DLG2: variants seen among roughly 807,000 people sequenced by gnomAD.
DLG2 encodes the protein discs large MAGUK scaffold protein 2.
In DLG2, 45 loss-of-function variants were observed where a neutral mutation model predicts 132.5. The observed-to-expected ratio is 0.34, with a 90% CI of 0.27 to 0.44. DLG2 has a LOEUF of 0.44. Ranked by LOEUF, DLG2 falls within the 20% of genes least tolerant of loss-of-function variation. The pLI, the probability that DLG2 is intolerant of heterozygous loss-of-function variation, is 1.00. For synonymous variants in DLG2, 424 were observed against 419.6 expected (o/e 1.01, Z -0.13); for missense variants, 1,045 against 1,196.9 (o/e 0.87, Z 1.87).
At chr11:84,373,265 C>CAAACAAAA (rs762481478) in intron 7 of DLG2, among the ~76,000 whole-genome samples, 1 of 98,090 alleles carries the variant, frequency 1.0e-5, no homozygotes, top group South Asian at 3.5e-4. Flanking sequence ...AAAAAAAAAA[C>CAAACAAAA]AAAACAAAAA....
In DLG2 at chr11:85,343,766, G is replaced by A. The variant is rs117449443; in HGVS notation, c.41-58401C>T. 6.8e-3 allele frequency among the ~76,000 whole-genome samples: 1,033 copies of A among 152,282 alleles called. 11 individuals carry two copies. The highest frequency in any genetic ancestry group is 0.014 in the Middle Eastern group (4 of 294). On this transcript the variant is annotated intron_variant, in intron 3 of 27. Coordinates refer to ENST00000376104, the MANE Select transcript of DLG2 (RefSeq NM_001142699.3). ...GAGGAAGGCGGAACCTGATAGAGCA[G>A]CGAGGAAAACCTTCTGAAGTGCAAT...
At chr11:83,840,220 T>C (rs1202013250) in intron 16 of DLG2, among the ~76,000 whole-genome samples, 2 of 152,210 alleles carry the variant, frequency 1.3e-5, no homozygotes, top group African/African-American at 4.8e-5. Flanking sequence ...TATTGCAGCA[T>C]GTTTTACAGT....
chr11:84,283,897 T>C (rs2097880552), intron 7 of DLG2, among the ~76,000 whole-genome samples: 1 of 152,178 alleles, frequency 6.6e-6, no homozygotes, highest in Middle Eastern at 3.2e-3. Context: ...CAGGATTTTC[T>C]GTATTAAAAA....
intron 4 of DLG2, among the ~76,000 whole-genome samples, chr11:85,252,726 G>A (rs552231251): frequency 6.2e-4 from 95 of 152,088 alleles, no homozygotes; most frequent in Non-Finnish European, 1.2e-3. Context: ...CATATTTTAT[G>A]TATTTATATA....
At chr11:85,591,871 G>A (rs1223025748) in intron 3 of DLG2, among the ~76,000 whole-genome samples, 19 of 152,338 alleles carry the variant, frequency 1.2e-4, no homozygotes, top group Non-Finnish European at 2.2e-4. Context: ...TCCCCAGTGT[G>A]TATCATAGCG....
chr11:85,427,417 C>T (rs541458018), intron 3 of DLG2, among the ~76,000 whole-genome samples: 16 of 152,342 alleles, frequency 1.1e-4, no homozygotes, highest in African/African-American at 3.8e-4. Context: ...ATCAGACTAA[C>T]AGCTGATCTC....
intron 19 of DLG2, among the ~76,000 whole-genome samples, chr11:83,624,092 A>C (rs2062089116): frequency 6.6e-6 from 1 of 152,210 alleles, no homozygotes; most frequent in Non-Finnish European, 1.5e-5. Flanking sequence ...TAATGGCAGA[A>C]AAGAAGTTTT....
At chr11:83,830,678 A>C (rs997956102) in intron 17 of DLG2, among the ~76,000 whole-genome samples, 130 of 152,238 alleles carry the variant, frequency 8.5e-4, no homozygotes, top group Non-Finnish European at 1.2e-4. Context: ...TATTTTGAAA[A>C]GAAAGTGTGC....
chr11:84,549,337 A>C (rs139452888), intron 6 of DLG2, among the ~76,000 whole-genome samples: 37 of 152,312 alleles, frequency 2.4e-4, no homozygotes, highest in African/African-American at 8.2e-4. Context: ...GATTCTATTG[A>C]GCACTGTACG....
intron 4 of DLG2, among the ~76,000 whole-genome samples, chr11:85,223,011 C>T (rs1189744101): frequency 6.6e-6 from 1 of 152,156 alleles, no homozygotes; most frequent in African/African-American, 2.4e-5. Flanking sequence ...CATTCCAAAC[C>T]TGGAACCTAA....
chr11:85,034,074 T>C (rs1027688905), intron 6 of DLG2, among the ~76,000 whole-genome samples: 1 of 141,780 alleles, frequency 7.1e-6, no homozygotes, highest in African/African-American at 2.5e-5. Context: ...CTGAGATATA[T>C]TAGATTTTTT....
At chr11:83,647,680 A>T (rs935444220) in intron 18 of DLG2, 2 of 152,102 alleles carry the variant, frequency 1.3e-5, no homozygotes, top group Admixed American at 1.3e-4. Flanking sequence ...AGTTTTGTTC[A>T]TATATCTTAC....
At position 83,665,793 on chromosome 11, in the gene DLG2, A is replaced by AT. The variant is rs573332949; in HGVS notation, c.1826-32469dup. 9.6e-4 allele frequency among the ~76,000 whole-genome samples: 142 copies of AT among 148,502 alleles called. No individual in the cohort carries two copies. The South Asian group carries it at 0.014, about 15-fold the overall frequency. On this transcript the variant is annotated intron_variant, in intron 18 of 27. Transcript: ENST00000376104. ...TACTACCACTTTGGAGATTCTTGAG[A>AT]TTTTTTTTTTTAGAGAACGGGGAAT...
chr11:85,125,806 TAC>T (rs71465021), intron 5 of DLG2, among the ~76,000 whole-genome samples: 3,704 of 148,514 alleles, frequency 0.025, 95 homozygotes, highest in African/African-American at 0.07. Context: ...CCAGACATTA[TAC>T]ACACACACAC....
At chr11:84,565,721 C>T (rs976321444) in intron 6 of DLG2, among the ~76,000 whole-genome samples, 1 of 151,946 alleles carries the variant, frequency 6.6e-6, no homozygotes, top group Admixed American at 6.6e-5. Context: ...GAGAATAGGA[C>T]CCAGATCATG....
At chr11:83,702,700 G>A (rs747903322) in intron 18 of DLG2, among the ~76,000 whole-genome samples, 14 of 152,196 alleles carry the variant, frequency 9.2e-5, no homozygotes, top group Non-Finnish European at 1.6e-4. Context: ...ACACTGATCT[G>A]TCTCTTCCTG....
chr11:85,409,909 A>C (rs909400717), intron 3 of DLG2, among the ~76,000 whole-genome samples: 4 of 151,876 alleles, frequency 2.6e-5, no homozygotes, highest in African/African-American at 9.7e-5. Flanking sequence ...AGTTCAACGC[A>C]TATTAAATTA....
At chr11:84,895,343 G>C (rs573426661) in intron 6 of DLG2, among the ~76,000 whole-genome samples, 1 of 152,204 alleles carries the variant, frequency 6.6e-6, no homozygotes, top group South Asian at 2.1e-4. Flanking sequence ...TCAGCAGTGG[G>C]AGAAAGATAT....
In DLG2 at chr11:83,469,369, A is replaced by G; in HGVS notation, c.2451T>C (p.Thr817=). ...CCTCGTAGTCTCGCTTTGGCCTCGT[A>G]GTATCTTTATAAAACAAAAAATGAT... ...PDKFGSCVPH[T]TRPKRDYEVD... Residue 817 remains threonine (T), a synonymous_variant, in exon 25 of 28, where the codon ACT becomes ACC. Coordinates refer to ENST00000376104, the MANE Select transcript of DLG2 (RefSeq NM_001142699.3). 6.2e-7 allele frequency: 1 copy of G among 1,608,330 alleles called. No homozygotes were observed. Among genetic ancestry groups the G allele is most frequent in the Non-Finnish European group, 8.5e-7 (1 of 1,178,070 alleles).
Sources: gnomAD v4.1 joint callset for allele counts (sites outside exome capture counted in the v4.1 genomes callset) on GRCh38, gnomAD v4.1.1 for gene constraint, MANE v1.5 for transcripts, NCBI Gene and HGNC (gene_info 2026-07-23, HGNC 2026-07-21) for gene names.